The following EML3 variants were observed in gnomAD, a reference collection of about 807,000 sequenced individuals.
EML3 encodes EMAP like 3.
In EML3, 53 loss-of-function variants were observed where a neutral mutation model predicts 106.7. That is an observed-to-expected ratio of 0.50 (90% confidence interval 0.40 to 0.62). The LOEUF (loss-of-function observed/expected upper bound fraction) is 0.62, where lower values mean the gene tolerates loss of function less well. EML3 is among the 20% of genes least tolerant of loss of function. The pLI is 0.00. For synonymous variants in EML3, 499 were observed against 489.6 expected (o/e 1.02, Z -0.25); for missense variants, 994 against 1,209.1 (o/e 0.82, Z 2.64).
chr11:62,609,512 T>C, intron 5 of EML3, 35 bp from the exon 6 acceptor site: 1 of 1,541,740 alleles, frequency 6.5e-7, no homozygotes. Flanking sequence ...ACTACCCCCT[T>C]CCAGGAAAGA....
In EML3 at chr11:62,607,561, CAG is replaced by C. The variant is rs914459623; in HGVS notation, c.1362+103_1362+104del. On this transcript the variant is annotated intron_variant, in intron 11 of 21. Transcript: ENST00000394773. ...TCAAAAGAAAAAAAAAAAAAGGTCA[CAG>C]GGGCAGGTGGGGGTTAGGGAACCTC... 3.6e-5 allele frequency: 48 copies of C among 1,316,930 alleles called. No homozygotes were observed. In the Admixed American group the frequency reaches 3.8e-4, roughly 10 times the overall value. 81.6% of individuals were successfully genotyped at this position (1,316,930 alleles called of 1,614,324 possible).
chr11:62,609,681 G>C lies in EML3; in HGVS notation c.582C>G (p.Asp194Glu). The change falls in exon 5 of 22, where the codon GAC becomes GAG. Residue 194 changes from aspartate to glutamate, a missense_variant. Asp to Glu is a conservative substitution (Grantham distance 45). Around this residue, in one of 3 missense-constraint regions of EML3, gnomAD observed 269 missense variants for 265.1 expected, o/e 1.01. Transcript: ENST00000394773. ...CAGGGCCCCCAGGGCTGGAGAGGGG[G>C]TCTTTTCCCCCACGGCTGTTGGGAA... ...SGSTESRGGK[D>E]PLSSPGGPGS... The C allele has an allele frequency of 6.2e-7, 1 of 1,604,742 alleles. No individual in the cohort carries two copies. The highest frequency in any genetic ancestry group is 8.5e-7 in the Non-Finnish European group (1 of 1,175,860).
rs1260915051 is a variant in EML3 at position 62,602,335 on chromosome 11, C to T, written c.*140G>A. On this transcript the variant is annotated 3_prime_UTR_variant, in exon 22 of 22. Coordinates refer to ENST00000394773, the MANE Select transcript of EML3 (RefSeq NM_153265.3). ...TGTGTGCAGGGGCGCCGTTCGCGCC[C>T]TCCAGGAAAATGCGCGATCGGGAAT... is the stretch of plus-strand genomic sequence containing the variant. 5.8e-6 allele frequency: 9 copies of T among 1,551,142 alleles called. No homozygotes were observed. The highest frequency in any genetic ancestry group is 3.9e-5 in the Admixed American group (2 of 50,992).
chr11:62,602,438 C>T lies in EML3; in HGVS notation c.*37G>A. The T allele has an allele frequency of 6.5e-7, 1 of 1,544,928 alleles. No homozygotes were observed. The highest frequency in any genetic ancestry group is 8.8e-7 in the Non-Finnish European group (1 of 1,142,762). On this transcript the variant is annotated 3_prime_UTR_variant, in exon 22 of 22. Coordinates refer to ENST00000394773, the MANE Select transcript of EML3 (RefSeq NM_153265.3). Reference sequence around the variant, plus strand: ...CAGGGAAGGGCAGGGCGGGGCGGGGCCACGCCGCCGGGCCAGTCGGTCCCG... The same window carrying T: ...CAGGGAAGGGCAGGGCGGGGCGGGGTCACGCCGCCGGGCCAGTCGGTCCCG...
rs1455333059 is a variant in EML3 at position 62,611,444 on chromosome 11, G to C, written c.175C>G (p.Pro59Ala). 3 of 1,613,654 alleles carry C rather than the reference G, an allele frequency of 1.9e-6. No homozygotes were observed. Among genetic ancestry groups the C allele is most frequent in the African/African-American group, 2.7e-5 (2 of 74,924 alleles). Residue 59 changes from proline (P) to alanine (A), a missense_variant, in exon 2 of 22, where the codon CCA becomes GCA. Physicochemically the swap from Pro to Ala is conservative, Grantham distance 27. Coordinates refer to ENST00000394773, the MANE Select transcript of EML3 (RefSeq NM_153265.3). The stretch of plus-strand genomic sequence containing the variant: ...GCATACCTGTCCCCCGGAGGAGCTG[G>C]TGTGCCAGAGCCCTGCAGGGAGGAA... ...PPSSLQGSGT[P>A]APPGDSLAAP...
intron 16 of EML3, 100 bp from the exon 17 acceptor site, chr11:62,604,301 A>C (rs2516633): frequency 0.73 from 648,266 of 893,166 alleles, 238,178 homozygotes; most frequent in East Asian, 0.94. Flanking sequence ...GATGGCAAAT[A>C]AGAGAAGCTC....
chr11:62,609,380 C>T lies in EML3; in HGVS notation c.732G>A (p.Pro244=), dbSNP rs766100372. ...RSLEELPSGP[P]PETLSLDWVY... ...CCCAGTCAAGGCTGAGGGTCTCTGG[C>T]GGTGGGCCACTCGGCAGCTCCTCAA... Residue 244 remains proline, a synonymous_variant, in exon 6 of 22, where the codon CCG becomes CCA. Transcript: ENST00000394773. The T allele has an allele frequency of 7.5e-6, 12 of 1,591,692 alleles. No homozygotes were observed. Among genetic ancestry groups the T allele is most frequent in the South Asian group, 3.4e-5 (3 of 88,044 alleles).
chr11:62,605,809 C>T lies in EML3; in HGVS notation c.1783-36G>A, dbSNP rs778944948. On this transcript the variant is annotated intron_variant, in intron 14 of 21. Transcript: ENST00000394773. The surrounding 1 kb of genome is among the most constrained non-coding windows in gnomAD (Gnocchi z 5.2). Reference sequence around the variant, plus strand: ...GCATGACTGTCACTCCTGCCCCTCTCTCACACCCCTTTGTCCCTTCCTCCC... The same window carrying T: ...GCATGACTGTCACTCCTGCCCCTCTTTCACACCCCTTTGTCCCTTCCTCCC... The T allele has an allele frequency of 6.2e-7, 1 of 1,609,052 alleles. No homozygotes were observed. The highest frequency in any genetic ancestry group is 8.5e-7 in the Non-Finnish European group (1 of 1,177,062).
chr11:62,609,021 T>C lies in EML3; in HGVS notation c.870A>G (p.Pro290=). Residue 290 remains proline (P), a synonymous_variant, in exon 7 of 22, where the codon CCA becomes CCG. Transcript: ENST00000394773. ...TCTGGCCGCCACCTCCAGGACCCCC[T>C]GGGCCTCCTCCAGGCCGGTACAGCA... The part of the protein sequence containing the change: ...VVVLYRPGGG[P]GGPGGGGQRH... 1 of 1,613,906 alleles carries C rather than the reference T, an allele frequency of 6.2e-7. No homozygotes were observed.
intron 9 of EML3, 82 bp from the exon 10 acceptor site, chr11:62,608,378 T>C: frequency 1.4e-6 from 2 of 1,426,120 alleles, no homozygotes; most frequent in Non-Finnish European, 2.0e-6. Context: ...AGAGGTACCA[T>C]CACAGATGGA....
At chr11:62,606,320 C>T (rs1224418103) in intron 12 of EML3, 106 bp from the exon 13 acceptor site, 1 of 1,301,528 alleles carries the variant, frequency 7.7e-7, no homozygotes, top group Non-Finnish European at 1.1e-6. Flanking sequence ...CCATTGCATG[C>T]ACTGACTACT....
rs1201411759 is a variant in EML3 at position 62,612,422 on chromosome 11, C to T, written c.22+14G>A. 30 of 1,488,760 alleles carry T rather than the reference C, an allele frequency of 2.0e-5. No homozygotes were observed. The highest frequency in any genetic ancestry group is 2.6e-5 in the Non-Finnish European group (29 of 1,126,478). 92.2% of individuals were successfully genotyped at this position (1,488,760 alleles called of 1,614,324 possible). A position where few individuals can be genotyped will look rare whatever the true frequency, so the allele number is the denominator to read the frequency against. ...CCGGGAAGGGGCACGCCGCCCGCCC[C>T]GCCCCGTACTCACCGGGCCCCGCGG... On this transcript the variant is annotated intron_variant, in intron 1 of 21. Coordinates refer to ENST00000394773, the MANE Select transcript of EML3 (RefSeq NM_153265.3).
intron 11 of EML3, chr11:62,607,371 C>T (rs1590751216): frequency 2.1e-6 from 1 of 467,784 alleles, no homozygotes; most frequent in Non-Finnish European, 3.7e-6. Context: ...ATGATGAAAC[C>T]GTATCTCTAT....
At chr11:62,612,243 C>G in intron 1 of EML3, 193 bp downstream of exon 1, 1 of 544,020 alleles carries the variant, frequency 1.8e-6, no homozygotes, top group Middle Eastern at 3.4e-4. Context: ...TAGAATGACG[C>G]TGGGGAAGCC....
Position 62,602,568 on chromosome 11 carries a change from C to G in EML3, c.2598G>C (p.Gln866His). Residue 866 changes from glutamine to histidine, a missense_variant, in exon 22 of 22, where the codon CAG becomes CAC. Physicochemically the swap from Gln to His is conservative, Grantham distance 24. Coordinates refer to ENST00000394773, the MANE Select transcript of EML3 (RefSeq NM_153265.3). ...CGCCCCCAGCGCCCAGCACTCGCCACTGGAAGATGCTGGCGTCCTTGCCGC... is the reference window on the plus strand; with the variant it reads ...CGCCCCCAGCGCCCAGCACTCGCCAGTGGAAGATGCTGGCGTCCTTGCCGC... Reference protein sequence around the residue: ...SLGGKDASIFQWRVLGAGGAG... With the variant: ...SLGGKDASIFHWRVLGAGGAG... 6.5e-7 allele frequency: 1 copy of G among 1,527,990 alleles called. No homozygotes were observed. 94.7% of individuals were successfully genotyped at this position (1,527,990 alleles called of 1,614,324 possible). A position where few individuals can be genotyped will look rare whatever the true frequency, so the allele number is the denominator to read the frequency against.
In EML3 at chr11:62,611,521, A is replaced by G. The variant is rs1445465477; in HGVS notation, c.98T>C (p.Val33Ala). 3.1e-6 allele frequency: 5 copies of G among 1,613,718 alleles called. No homozygotes were observed. Among genetic ancestry groups the G allele is most frequent in the Non-Finnish European group, 3.4e-6 (4 of 1,179,952 alleles). ...AAGGGCTTCTGCCAGGGCTGCCTTT[A>G]CCAGTTCCATCTCCTGCTCCTGCAC... is the stretch of plus-strand genomic sequence containing the variant. The part of the protein sequence containing the change: ...LRVQEQEMEL[V>A]KAALAEALRL... Residue 33 changes from valine to alanine, a missense_variant, in exon 2 of 22, where the codon GTA (valine) becomes GCA (alanine). Coordinates refer to ENST00000394773, the MANE Select transcript of EML3 (RefSeq NM_153265.3).
Position 62,602,858 on chromosome 11 carries a change from G to A in EML3, c.2388C>T (p.Asp796=). The A allele has an allele frequency of 6.3e-6, 10 of 1,598,656 alleles. No homozygotes were observed. The highest frequency in any genetic ancestry group is 8.5e-6 in the Non-Finnish European group (10 of 1,172,974). The part of the protein sequence containing the change: ...GVWPDGSDGT[D]INSLCRSHNE... The stretch of plus-strand genomic sequence containing the variant: ...TGTGGGAGCGGCACAGGGAGTTGAT[G>A]TCGGTCCCATCGGAGCCGTCCGGCC... Residue 796 remains aspartate, a synonymous_variant, in exon 21 of 22, where the codon GAC becomes GAT. Coordinates refer to ENST00000394773, the MANE Select transcript of EML3 (RefSeq NM_153265.3).
chr11:62,607,924 G>A, intron 10 of EML3, 103 bp from the exon 11 acceptor site: 14 of 1,368,700 alleles, frequency 1.0e-5, no homozygotes, highest in Non-Finnish European at 1.4e-5. Context: ...CAGAGGTCCA[G>A]AAACCCCAGG....
intron 20 of EML3, 85 bp from the exon 21 acceptor site, chr11:62,602,974 C>T (rs1381354692): frequency 2.1e-5 from 31 of 1,470,426 alleles, no homozygotes; most frequent in Middle Eastern, 3.5e-4. Flanking sequence ...GCTCCGGCAG[C>T]CGCGGCCACC....
Sources: allele counts gnomAD v4.1 joint callset, GRCh38; gene constraint gnomAD v4.1.1; regional missense constraint gnomAD v4.1.1; non-coding constraint Gnocchi (gnomAD v3.1); transcripts MANE v1.5; gene names NCBI Gene and HGNC (gene_info 2026-07-23, HGNC 2026-07-21).